VCL: variants seen among roughly 807,000 people sequenced by gnomAD.
The protein encoded by VCL is epididymis luminal protein 114.
A neutral mutation model predicts 125.7 loss-of-function variants in VCL; 47 were observed. That is an observed-to-expected ratio of 0.37 (90% CI 0.30 to 0.48). The LOEUF is 0.48. VCL is among the 20% of genes least tolerant of loss of function. The pLI is 0.99. For synonymous variants in VCL, 458 were observed against 514.6 expected (o/e 0.89, Z 1.49); for missense variants, 1,069 against 1,455.5 (o/e 0.73, Z 4.32).
intron 2 of VCL, among the ~76,000 whole-genome samples, chr10:74,060,124 C>T (rs995695099): frequency 3.3e-5 from 5 of 151,788 alleles, no homozygotes; most frequent in African/African-American, 4.8e-5. Flanking sequence ...TAGTGAGACC[C>T]TGTCTCTACA....
Position 74,008,719 on chromosome 10 carries a change from A to G in VCL, c.168+10344A>G, listed in dbSNP as rs11000844. On this transcript the variant is annotated intron_variant, in intron 1 of 21. Coordinates refer to ENST00000211998, the MANE Select transcript of VCL (RefSeq NM_014000.3). ...TTCCGACAGCGGGGTGTATTTTTAC[A>G]TAATAAACCAGCATTAGGGCAGTAT... 2.2e-4 allele frequency among the ~76,000 whole-genome samples: 34 copies of G among 152,348 alleles called. No homozygotes were observed. In the East Asian group the frequency reaches 5.0e-3, roughly 22 times the overall value.
At chr10:74,098,995 A>G (rs1256938656) in intron 13 of VCL, among the ~76,000 whole-genome samples, 1 of 152,006 alleles carries the variant, frequency 6.6e-6, no homozygotes, top group Non-Finnish European at 1.5e-5. Context: ...ACTAAGGCAC[A>G]CTCATTTAAT....
At chr10:74,043,177 G>T in intron 2 of VCL, 24 bp downstream of exon 2, 1 of 1,596,324 alleles carries the variant, frequency 6.3e-7, no homozygotes, top group East Asian at 2.2e-5. Context: ...ATATTCTTCT[G>T]TTGCTAAGCA....
chr10:74,015,342 C>T (rs1840517399), intron 1 of VCL, among the ~76,000 whole-genome samples: 1 of 152,196 alleles, frequency 6.6e-6, no homozygotes, highest in South Asian at 2.1e-4. Flanking sequence ...CGCTTGAGGT[C>T]AGGAGTTTGA....
At chr10:74,087,535 G>GTTTTTTTT (rs1839804570) in intron 8 of VCL, among the ~76,000 whole-genome samples, 1 of 134,926 alleles carries the variant, frequency 7.4e-6, no homozygotes, top group Non-Finnish European at 1.6e-5. Flanking sequence ...TTTTTTTTTG[G>GTTTTTTTT]ATTTTTAGTA....
At chr10:74,009,925 A>C (rs184384643) in intron 1 of VCL, among the ~76,000 whole-genome samples, 16 of 148,190 alleles carry the variant, frequency 1.1e-4, no homozygotes, top group African/African-American at 3.5e-4. Flanking sequence ...TCTTTTTTTT[A>C]TTTTTCTTTA....
intron 2 of VCL, 30 bp from the exon 3 acceptor site, chr10:74,070,640 C>G: frequency 6.8e-6 from 11 of 1,613,604 alleles, no homozygotes; most frequent in Non-Finnish European, 9.3e-6. Flanking sequence ...GTGGTTCTGC[C>G]GGTGTGTTAA....
chr10:74,052,936 GAA>G (rs57330455), intron 2 of VCL, among the ~76,000 whole-genome samples: 47,685 of 142,270 alleles, frequency 0.34, 9,244 homozygotes, highest in Non-Finnish European at 0.45. Context: ...TGGCTGTGAT[GAA>G]AAAAAAAAAT....
chr10:74,081,790 A>T (rs1050090147), intron 6 of VCL, among the ~76,000 whole-genome samples: 1 of 152,232 alleles, frequency 6.6e-6, no homozygotes, highest in African/African-American at 2.4e-5. Flanking sequence ...TCTATCCTGC[A>T]TCTTCTTCCA....
At chr10:74,045,890 T>A (rs1211466631) in intron 2 of VCL, among the ~76,000 whole-genome samples, 1 of 152,154 alleles carries the variant, frequency 6.6e-6, no homozygotes, top group Non-Finnish European at 1.5e-5. Flanking sequence ...TATACATATG[T>A]TTATTTTCTC....
intron 1 of VCL, among the ~76,000 whole-genome samples, chr10:74,000,474 ACACGATCTG>A (rs1840206904): frequency 1.3e-5 from 2 of 151,928 alleles, no homozygotes; most frequent in Non-Finnish European, 2.9e-5. Flanking sequence ...GAGTGCAGTG[ACACGATCTG>A]GGCCCACTGC....
In VCL at chr10:74,006,622, A is replaced by G. The variant is rs542167595; in HGVS notation, c.168+8247A>G. Among the ~76,000 whole-genome samples, 61 of 152,346 alleles carry G rather than the reference A, an allele frequency of 4.0e-4. No homozygotes were observed. The South Asian group carries it at 0.012, about 31-fold the overall frequency. ...AAATGCTCCAAAATCTGACTTTTTG[A>G]GTATTGACGTGATGCCACTTGTGGA... On this transcript the variant is annotated intron_variant, in intron 1 of 21. Coordinates refer to ENST00000211998, the MANE Select transcript of VCL (RefSeq NM_014000.3).
chr10:74,093,282 G>C (rs561626894), intron 10 of VCL, among the ~76,000 whole-genome samples: 47 of 152,276 alleles, frequency 3.1e-4, no homozygotes, highest in Non-Finnish European at 6.3e-4. Context: ...GGGCAACACA[G>C]CGAGACTCCA....
chr10:74,068,040 A>G (rs1482675763), intron 2 of VCL, among the ~76,000 whole-genome samples: 6 of 152,230 alleles, frequency 3.9e-5, no homozygotes, highest in African/African-American at 1.4e-4. Context: ...ATTTTGGTTT[A>G]TTATTGGTGA....
chr10:74,037,203 G>A lies in VCL; in HGVS notation c.169-5880G>A, dbSNP rs532901946. On this transcript the variant is annotated intron_variant, in intron 1 of 21. Coordinates refer to ENST00000211998, the MANE Select transcript of VCL (RefSeq NM_014000.3). ...CCCACTTACGCCTGGGATTACAGGC[G>A]TAAGCCACCACGGCTGACTGTTCTA... Among the ~76,000 whole-genome samples the A allele has an allele frequency of 4.6e-5, 7 of 152,268 alleles. No homozygotes were observed. The South Asian group carries it at 1.2e-3, about 27-fold the overall frequency.
At chr10:74,074,695 C>A in intron 5 of VCL, 48 bp from the exon 6 acceptor site, 2 of 1,595,218 alleles carry the variant, frequency 1.3e-6, no homozygotes, top group Non-Finnish European at 1.7e-6. Flanking sequence ...TATTGTTATA[C>A]AACAAGATTA....
At chr10:74,094,507 C>T in intron 11 of VCL, 46 bp downstream of exon 11, 1 of 1,589,600 alleles carries the variant, frequency 6.3e-7, no homozygotes, top group African/African-American at 1.3e-5. Context: ...GGTCTCAGTG[C>T]AAATAAGCAA....
intron 17 of VCL, 36 bp from the exon 18 acceptor site, chr10:74,108,935 T>C (rs1169980768): frequency 1.2e-6 from 2 of 1,612,916 alleles, no homozygotes; most frequent in Middle Eastern, 1.7e-4. Context: ...GGAGTAGTTT[T>C]AGGACTTTAC....
chr10:74,045,478 C>T (rs984850720), intron 2 of VCL, among the ~76,000 whole-genome samples: 1 of 151,966 alleles, frequency 6.6e-6, no homozygotes, highest in Admixed American at 6.6e-5. Context: ...TAAAAATTAG[C>T]CAGGCGTGGT....
Sources: allele counts gnomAD v4.1 joint callset (sites outside exome capture counted in the v4.1 genomes callset), GRCh38; gene constraint gnomAD v4.1.1; transcripts MANE v1.5; gene names NCBI Gene and HGNC (gene_info 2026-07-23, HGNC 2026-07-21).